Variants in PLCH1 observed in about 807,000 individuals in gnomAD.
PLCH1 encodes the protein 1-phosphatidylinositol 4,5-bisphosphate phosphodiesterase eta-1.
A neutral mutation model predicts 126.7 loss-of-function variants in PLCH1; 60 were observed. That is an observed-to-expected ratio of 0.47 (90% CI 0.38 to 0.59). The LOEUF is 0.59. Ranked by LOEUF, PLCH1 falls within the 20% of genes least tolerant of loss-of-function variation. PLCH1 has a pLI of 0.00. For missense variants in PLCH1, 1,723 were observed against 2,040.0 expected (o/e 0.84, Z 2.99); for synonymous variants, 719 against 734.9 (o/e 0.98, Z 0.35).
chr3:155,492,855 T>C lies in PLCH1; in HGVS notation c.2183-2A>G. ...CACCAGAGAAAGGGTTGAAAGTACC[T>C]AGGCCAAGTAAAGTATAAGTTGGTA... On this transcript the variant is annotated splice_acceptor_variant, in intron 17 of 22. Transcript: ENST00000460012. LOFTEE classifies it high-confidence loss of function. 1 of 1,588,336 alleles carries C rather than the reference T, an allele frequency of 6.3e-7. No individual in the cohort carries two copies. The highest frequency in any genetic ancestry group is 8.6e-7 in the Non-Finnish European group (1 of 1,169,240).
chr3:155,633,751 T>A (rs1205351357), intron 2 of PLCH1, among the ~76,000 whole-genome samples: 3 of 151,970 alleles, frequency 2.0e-5, no homozygotes, highest in Non-Finnish European at 4.4e-5. Flanking sequence ...GCCAACCCCA[T>A]CTCTACTAAA....
intron 6 of PLCH1, among the ~76,000 whole-genome samples, chr3:155,572,044 A>T (rs757503841): frequency 4.6e-5 from 7 of 152,122 alleles, no homozygotes; most frequent in Non-Finnish European, 8.8e-5. Flanking sequence ...ATTCTTCCCA[A>T]TGACTCTAAT....
intron 18 of PLCH1, among the ~76,000 whole-genome samples, chr3:155,491,399 G>A (rs1386650255): frequency 6.6e-6 from 1 of 152,026 alleles, no homozygotes; most frequent in Non-Finnish European, 1.5e-5. Flanking sequence ...GAGTAGCTGG[G>A]ACTATAGGAT....
At chr3:155,470,394 C>A (rs188286381) in intron 21 of PLCH1, among the ~76,000 whole-genome samples, 1 of 151,996 alleles carries the variant, frequency 6.6e-6, no homozygotes, top group African/African-American at 2.4e-5. Flanking sequence ...TAAAAAGAAA[C>A]GAGTAAAGCC....
chr3:155,602,539 T>TAG (rs10627143), intron 2 of PLCH1, among the ~76,000 whole-genome samples: 30,860 of 151,994 alleles, frequency 0.2, 4,018 homozygotes, highest in African/African-American at 0.37. Flanking sequence ...GTGAACATCA[T>TAG]AGTGTATTCA....
At chr3:155,608,602 C>T (rs1340570938) in intron 2 of PLCH1, among the ~76,000 whole-genome samples, 1 of 152,132 alleles carries the variant, frequency 6.6e-6, no homozygotes, top group Non-Finnish European at 1.5e-5. Flanking sequence ...CAGCTTTCCC[C>T]CACTTCTCTG....
At chr3:155,470,496 C>T (rs1438947018) in intron 21 of PLCH1, among the ~76,000 whole-genome samples, 4 of 152,124 alleles carry the variant, frequency 2.6e-5, no homozygotes, top group Non-Finnish European at 5.9e-5. Context: ...AGTTGGAAAA[C>T]ACTCTGCAGG....
intron 12 of PLCH1, among the ~76,000 whole-genome samples, chr3:155,512,190 ATGCCTCGCCCTCCCATTCTC>A: frequency 6.6e-6 from 1 of 151,984 alleles, no homozygotes; most frequent in Admixed American, 6.6e-5. Context: ...AGGTGAGGCA[ATGCCTCGCCCTCCCATTCTC>A]ACTCTCTTTA....
chr3:155,594,229 T>G (rs1186883433), intron 3 of PLCH1, 45 bp from the exon 4 acceptor site: 1 of 1,561,806 alleles, frequency 6.4e-7, no homozygotes, highest in Non-Finnish European at 8.8e-7. Flanking sequence ...CAGGCAAAGA[T>G]ACTTCTTTAC....
At chr3:155,664,111 A>C (rs1742473734) in intron 2 of PLCH1, among the ~76,000 whole-genome samples, 1 of 152,214 alleles carries the variant, frequency 6.6e-6, no homozygotes, top group Non-Finnish European at 1.5e-5. Context: ...ACAAGAAAGG[A>C]CCATGTGTTT....
At position 155,645,631 on chromosome 3, in the gene PLCH1, C is replaced by G. The variant is rs146026006; in HGVS notation, c.80-49253G>C. 4.0e-3 allele frequency among the ~76,000 whole-genome samples: 606 copies of G among 152,208 alleles called. 4 individuals carry two copies. The highest frequency in any genetic ancestry group is 0.014 in the African/African-American group (579 of 41,522). On this transcript the variant is annotated intron_variant, in intron 2 of 22. Transcript: ENST00000460012. ...AAATAGCTAGGACTACAGGCACATG[C>G]CACCATGCCCAGCTTTTTTCTTTTT... is the stretch of plus-strand genomic sequence containing the variant.
intron 6 of PLCH1, among the ~76,000 whole-genome samples, chr3:155,579,874 C>G (rs191671401): frequency 2.6e-4 from 39 of 152,116 alleles, no homozygotes; most frequent in Admixed American, 5.2e-4. Flanking sequence ...CTGTGTCTGT[C>G]TCTGTCTGTC....
chr3:155,487,676 C>T (rs1284674266), intron 21 of PLCH1, among the ~76,000 whole-genome samples: 1 of 152,188 alleles, frequency 6.6e-6, no homozygotes, highest in Non-Finnish European at 1.5e-5. Flanking sequence ...CTGCATTTCC[C>T]ACTGAGGCCA....
chr3:155,497,445 A>G, intron 14 of PLCH1, 28 bp from the exon 15 acceptor site: 1 of 1,508,148 alleles, frequency 6.6e-7, no homozygotes, highest in Non-Finnish European at 9.2e-7. Context: ...AGGATGCATG[A>G]CATTTTGGAG....
At chr3:155,720,090 G>T (rs1747836572) in intron 1 of PLCH1, among the ~76,000 whole-genome samples, 1 of 152,102 alleles carries the variant, frequency 6.6e-6, no homozygotes, top group African/African-American at 2.4e-5. Flanking sequence ...TACCATGCCT[G>T]GCCTACATTT....
At chr3:155,464,952 T>G (rs1398091473) in intron 21 of PLCH1, among the ~76,000 whole-genome samples, 1 of 151,838 alleles carries the variant, frequency 6.6e-6, no homozygotes. Flanking sequence ...CTACTAAAAA[T>G]ACAAAAATTA....
rs1714366851 is a variant in PLCH1 at position 155,482,736 on chromosome 3, A to G, written c.3290T>C (p.Val1097Ala). 6.2e-7 allele frequency: 1 copy of G among 1,614,196 alleles called. No individual in the cohort carries two copies. Among genetic ancestry groups the G allele is most frequent in the Non-Finnish European group, 8.5e-7 (1 of 1,180,032 alleles). Reference sequence around the variant, plus strand: ...AGGATTACCCTTTTCCTTGATTTTCACACCATGCAGATCTTGTGTGGGGTT... The same window carrying G: ...AGGATTACCCTTTTCCTTGATTTTCGCACCATGCAGATCTTGTGTGGGGTT... ...VVNPTQDLHGVKIKEKGNPED... is the reference protein window; with the variant it reads ...VVNPTQDLHGAKIKEKGNPED... Residue 1097 changes from valine (V) to alanine (A), a missense_variant, in exon 23 of 23, where the codon GTG becomes GCG. By Grantham distance (64) the Val-to-Ala change is moderately conservative. Transcript: ENST00000460012.
intron 6 of PLCH1, among the ~76,000 whole-genome samples, chr3:155,575,832 T>G (rs1267130841): frequency 6.6e-6 from 1 of 152,024 alleles, no homozygotes; most frequent in Non-Finnish European, 1.5e-5. Context: ...AATTTTTGTT[T>G]AAGAGAAGGG....
At position 155,481,175 on chromosome 3, in the gene PLCH1, T is replaced by G. The variant is rs748611886; in HGVS notation, c.4851A>C (p.Ala1617=). 9.9e-6 allele frequency: 16 copies of G among 1,614,242 alleles called. No individual in the cohort carries two copies. Among genetic ancestry groups the G allele is most frequent in the Non-Finnish European group, 1.4e-5 (16 of 1,180,042 alleles). The change falls in exon 23 of 23, where the codon GCA becomes GCC. Residue 1617 remains alanine, a synonymous_variant. Transcript: ENST00000460012. This position sits in a 1 kb window ranked among gnomAD's most constrained non-coding sequence, Gnocchi z 4.2. The stretch of plus-strand genomic sequence containing the variant: ...AGGAGCCGGTGGAGTGGCGATTCAC[T>G]GCAGGGGTGGGTGCTGAGGGTTTGT... The part of the protein sequence containing the change: ...LRNKPSAPTP[A]VNRHSTGSYI...
Sources: allele counts gnomAD v4.1 joint callset (sites outside exome capture counted in the v4.1 genomes callset), GRCh38; gene constraint gnomAD v4.1.1; non-coding constraint Gnocchi (gnomAD v3.1); transcripts MANE v1.5; gene names NCBI Gene and HGNC (gene_info 2026-07-23, HGNC 2026-07-21).